Variants in TTF2 observed in about 807,000 individuals in gnomAD.
The protein encoded by TTF2 is RNA polymerase II termination factor.
TTF2 carries 108 observed loss-of-function variants against 142.4 expected under a neutral mutation model. The observed-to-expected ratio is 0.76, with a 90% CI of 0.65 to 0.89. The LOEUF (loss-of-function observed/expected upper bound fraction) is 0.89, where lower values mean the gene tolerates loss of function less well. Among genes scored for constraint, TTF2 ranks in the 40% least tolerant of loss-of-function variants. The probability of loss-of-function intolerance (pLI) is 0.00; values close to 1 mark genes in which losing one functional copy is unlikely to be tolerated. For synonymous variants in TTF2, 483 were observed against 506.2 expected (o/e 0.95, Z 0.61); for missense variants, 1,327 against 1,379.8 (o/e 0.96, Z 0.61).
In TTF2 at chr1:117,086,247, ATG is replaced by A. The variant is rs3831091; in HGVS notation, c.2055-147_2055-146del. Among the ~76,000 whole-genome samples the A allele has an allele frequency of 0.21, 30,736 of 148,460 alleles. 6,145 individuals are homozygous for A. The highest frequency in any genetic ancestry group is 0.52 in the African/African-American group (21,205 of 40,670). On this transcript the variant is annotated intron_variant, in intron 11 of 22. Transcript: ENST00000369466. This position sits in a 1 kb window ranked among gnomAD's most constrained non-coding sequence, Gnocchi z 4.2. The stretch of plus-strand genomic sequence containing the variant: ...CAAGTGGGTAAAATTTACCTCCAAA[ATG>A]TGTGTGTGTGTGTGTGTGTGTGCGT...
In TTF2 at chr1:117,076,300, GTGGCT is replaced by G; in HGVS notation, c.1390+8_1390+12del. 1 of 1,611,556 alleles carries G rather than the reference GTGGCT, an allele frequency of 6.2e-7. No homozygotes were observed. Among genetic ancestry groups the G allele is most frequent in the Non-Finnish European group, 8.5e-7 (1 of 1,178,366 alleles). ...TACCCTTTCCCCAGAGCAAGGTAAA[GTGGCT>G]TATGCCTCAGAACTCCGGGTTTGCA... is the stretch of plus-strand genomic sequence containing the variant. On this transcript the variant is annotated splice_region_variant and intron_variant, in intron 6 of 22. Transcript: ENST00000369466. This position sits in a 1 kb window ranked among gnomAD's most constrained non-coding sequence, Gnocchi z 4.6.
At chr1:117,098,930 C>T (rs767862128) in intron 22 of TTF2, 23 bp downstream of exon 22, 7 of 1,595,114 alleles carry the variant, frequency 4.4e-6, no homozygotes, top group Non-Finnish European at 5.1e-6. Context: ...CCCCAGGACC[C>T]AGGACCCTTC....
At position 117,088,933 on chromosome 1, in the gene TTF2, A is replaced by T; in HGVS notation, c.2293A>T (p.Thr765Ser). The T allele has an allele frequency of 6.2e-7, 1 of 1,613,622 alleles. No individual in the cohort carries two copies. Reference sequence around the variant, plus strand: ...ACAAGCCTGTGCCCGTTGGGCTGTCACTGGAACCCCCATTCAAAACAACTT... The same window carrying T: ...ACAAGCCTGTGCCCGTTGGGCTGTCTCTGGAACCCCCATTCAAAACAACTT... ...KLQACARWAV[T>S]GTPIQNNLLD... The change falls in exon 13 of 23, where the codon ACT (threonine) becomes TCT (serine). Residue 765 changes from threonine (T) to serine (S), a missense_variant. Physicochemically the swap from Thr to Ser is moderately conservative, Grantham distance 58 (BLOSUM62 1). Coordinates refer to ENST00000369466, the MANE Select transcript of TTF2 (RefSeq NM_003594.4).
Position 117,086,094 on chromosome 1 carries a change from G to A in TTF2, c.2055-323G>A, listed in dbSNP as rs185647888. 1.9e-4 allele frequency among the ~76,000 whole-genome samples: 29 copies of A among 152,270 alleles called. No homozygotes were observed. In the East Asian group the frequency reaches 1.9e-3, roughly 10 times the overall value. ...TCTATCCTACTTTCTGTTCTGGCCA[G>A]ATCATATTAAGCATTATATTATCCC... On this transcript the variant is annotated intron_variant, in intron 11 of 22. Coordinates refer to ENST00000369466, the MANE Select transcript of TTF2 (RefSeq NM_003594.4). The surrounding 1 kb of genome is among the most constrained non-coding windows in gnomAD (Gnocchi z 4.2).
intron 16 of TTF2, 71 bp downstream of exon 16, chr1:117,091,481 AATGTGAGGTT>A (rs1648571423): frequency 6.8e-7 from 1 of 1,461,654 alleles, no homozygotes; most frequent in African/African-American, 1.4e-5. Flanking sequence ...AAAACACAGA[AATGTGAGGTT>A]ATGAATCCTT....
Position 117,085,959 on chromosome 1 carries a change from G to A in TTF2, c.2055-458G>A, listed in dbSNP as rs907201748. 6.6e-6 allele frequency among the ~76,000 whole-genome samples: 1 copy of A among 152,158 alleles called. No homozygotes were observed. The highest frequency in any genetic ancestry group is 1.5e-5 in the Non-Finnish European group (1 of 68,040). ...GAGGAAAGCACCATTGATACAAGGT[G>A]AACAGTGTTTTGAAGTTATCTTTCT... On this transcript the variant is annotated intron_variant, in intron 11 of 22. Coordinates refer to ENST00000369466, the MANE Select transcript of TTF2 (RefSeq NM_003594.4). This position sits in a 1 kb window ranked among gnomAD's most constrained non-coding sequence, Gnocchi z 4.7.
At chr1:117,069,586 T>G (rs1158466710) in intron 3 of TTF2, among the ~76,000 whole-genome samples, 1 of 152,238 alleles carries the variant, frequency 6.6e-6, no homozygotes, top group Non-Finnish European at 1.5e-5. Flanking sequence ...TATTTTGTCT[T>G]CATCATGACC....
intron 4 of TTF2, 41 bp from the exon 5 acceptor site, chr1:117,074,829 G>C: frequency 2.7e-6 from 4 of 1,490,108 alleles, no homozygotes; most frequent in Non-Finnish European, 3.6e-6. Context: ...TACGAAGTTT[G>C]TATTAATATT....
rs761238788 is a variant in TTF2, at chr1:117,076,687, C to T, written c.1437C>T (p.Phe479=). 29 of 1,613,778 alleles carry T rather than the reference C, an allele frequency of 1.8e-5. No individual in the cohort carries two copies. In the Admixed American group the frequency reaches 4.7e-4, roughly 26 times the overall value. ...GTCAAGTACCACAGCAGAGTCACTT[C>T]ACCAAAACTACCACTGGCCCTCCCC... is the stretch of plus-strand genomic sequence containing the variant. The part of the protein sequence containing the change: ...SNSQVPQQSH[F]TKTTTGPPHL... Residue 479 remains phenylalanine, a synonymous_variant, in exon 7 of 23, where the codon TTC becomes TTT. Coordinates refer to ENST00000369466, the MANE Select transcript of TTF2 (RefSeq NM_003594.4). This position sits in a 1 kb window ranked among gnomAD's most constrained non-coding sequence, Gnocchi z 4.6.
Position 117,090,215 on chromosome 1 carries a change from A to C in TTF2, c.2496+7A>C. 6.2e-7 allele frequency: 1 copy of C among 1,613,468 alleles called. No homozygotes were observed. Among genetic ancestry groups the C allele is most frequent in the Non-Finnish European group, 8.5e-7 (1 of 1,179,712 alleles). On this transcript the variant is annotated splice_region_variant and intron_variant, in intron 14 of 22. Transcript: ENST00000369466. The surrounding 1 kb of genome is among the most constrained non-coding windows in gnomAD (Gnocchi z 4.8). ...CTCTACTGGCAGACCTTTGGTAATC[A>C]AGTTTGTACCTGTCCCTGGGGGAGG...
At position 117,077,909 on chromosome 1, in the gene TTF2, T is replaced by C. The variant is rs767637914; in HGVS notation, c.1574-7T>C. ...ACATCTTTTAGGTAACACCTATTTG[T>C]ATGCAGGCCATACAAACCAAGATCA... On this transcript the variant is annotated splice_polypyrimidine_tract_variant and splice_region_variant and intron_variant, in intron 7 of 22. Transcript: ENST00000369466. The C allele has an allele frequency of 6.2e-7, 1 of 1,614,064 alleles. No homozygotes were observed. The highest frequency in any genetic ancestry group is 8.5e-7 in the Non-Finnish European group (1 of 1,179,948).
In TTF2 at chr1:117,075,170, C is replaced by G. The variant is rs1656888911; in HGVS notation, c.586C>G (p.Gln196Glu). The G allele has an allele frequency of 1.2e-6, 2 of 1,613,954 alleles. No homozygotes were observed. The highest frequency in any genetic ancestry group is 2.7e-5 in the African/African-American group (2 of 74,884). The stretch of plus-strand genomic sequence containing the variant: ...ACAATCTGTAGTTCAAGAGAAGAAG[C>G]AAGAAGAGGGAGCAGAGATTCAGTG... ...KKQSVVQEKK[Q>E]EEGAEIQCEA... is the part of the protein sequence containing the mutation. Residue 196 changes from glutamine (Q) to glutamate (E), a missense_variant, in exon 5 of 23, where the codon CAA becomes GAA. Gln to Glu is a conservative substitution (Grantham distance 29, BLOSUM62 2). Coordinates refer to ENST00000369466, the MANE Select transcript of TTF2 (RefSeq NM_003594.4). This position sits in a 1 kb window ranked among gnomAD's most constrained non-coding sequence, Gnocchi z 4.5.
Position 117,105,853 on chromosome 1 carries a change from C to G in TTF2, c.*4329C>G, listed in dbSNP as rs1238655907. 2 of 152,118 alleles carry G rather than the reference C, an allele frequency of 1.3e-5. No homozygotes were observed. Among genetic ancestry groups the G allele is most frequent in the African/African-American group, 4.8e-5 (2 of 41,426 alleles). The allele number at this position is 152,118 out of a possible 1,614,324, so 9.4% of individuals were successfully genotyped here. The stretch of plus-strand genomic sequence containing the variant: ...CAATCCTGTGAGTGATTTAGCATGG[C>G]AATTCATGAACACTGAGTTGTTTCC... On this transcript the variant is annotated 3_prime_UTR_variant, in exon 23 of 23. Coordinates refer to ENST00000369466, the MANE Select transcript of TTF2 (RefSeq NM_003594.4). This position sits in a 1 kb window ranked among gnomAD's most constrained non-coding sequence, Gnocchi z 4.7.
chr1:117,077,311 A>G lies in TTF2; in HGVS notation c.1573+488A>G, dbSNP rs114911017. ...ATTGTGCAGCTCAGTAGAGCTTTGC[A>G]TCGTGTTACTTAGCTTTCTGTGAGG... On this transcript the variant is annotated intron_variant, in intron 7 of 22. Transcript: ENST00000369466. 3.8e-3 allele frequency among the ~76,000 whole-genome samples: 576 copies of G among 152,296 alleles called. 2 individuals are homozygous for G. Among genetic ancestry groups the G allele is most frequent in the African/African-American group, 0.013 (545 of 41,570 alleles).
Position 117,086,467 on chromosome 1 carries a change from A to G in TTF2, c.2105A>G (p.Glu702Gly). 1 of 1,614,132 alleles carries G rather than the reference A, an allele frequency of 6.2e-7. No individual in the cohort carries two copies. Among genetic ancestry groups the G allele is most frequent in the Non-Finnish European group, 8.5e-7 (1 of 1,180,028 alleles). ...ACTACCTATAGCCTCGTGGCCAAGG[A>G]GATTCCCACAAACAAGCAAGAGGCA... ...VITTYSLVAKEIPTNKQEAEI... is the reference protein window; with the variant it reads ...VITTYSLVAKGIPTNKQEAEI... The change falls in exon 12 of 23, where the codon GAG becomes GGG. Residue 702 changes from glutamate to glycine, a missense_variant. Glu to Gly is a moderately conservative substitution (Grantham distance 98, BLOSUM62 -2). Transcript: ENST00000369466. The surrounding 1 kb of genome is among the most constrained non-coding windows in gnomAD (Gnocchi z 4.2).
chr1:117,086,584 TTCTC>T lies in TTF2; in HGVS notation c.2160+63_2160+66del. 1 of 1,226,634 alleles carries T rather than the reference TTCTC, an allele frequency of 8.2e-7. No individual in the cohort carries two copies. Among genetic ancestry groups the T allele is most frequent in the Non-Finnish European group, 1.2e-6 (1 of 838,220 alleles). 76.0% of individuals were successfully genotyped at this position (1,226,634 alleles called of 1,614,324 possible). On this transcript the variant is annotated intron_variant, in intron 12 of 22. Coordinates refer to ENST00000369466, the MANE Select transcript of TTF2 (RefSeq NM_003594.4). This position sits in a 1 kb window ranked among gnomAD's most constrained non-coding sequence, Gnocchi z 4.2. ...GCCACAGATGGTTTAATGGGAGTCTTTCTCAGCCTCCACGATAGCAAGAGGACCT... is the reference window on the plus strand; with the variant it reads ...GCCACAGATGGTTTAATGGGAGTCTTAGCCTCCACGATAGCAAGAGGACCT...
chr1:117,095,223 T>C, intron 18 of TTF2, 86 bp from the exon 19 acceptor site: 1 of 1,263,194 alleles, frequency 7.9e-7, no homozygotes, highest in Non-Finnish European at 1.2e-6. Context: ...AGACGCCATG[T>C]AGGAGGCTGC....
In TTF2 at chr1:117,076,950, G is replaced by A; in HGVS notation, c.1573+127G>A. On this transcript the variant is annotated intron_variant, in intron 7 of 22. Coordinates refer to ENST00000369466, the MANE Select transcript of TTF2 (RefSeq NM_003594.4). The surrounding 1 kb of genome is among the most constrained non-coding windows in gnomAD (Gnocchi z 4.6). Reference sequence around the variant, plus strand: ...AGTCACCTGTGGTTCAAAAAAAGGTGAGTACAGTACAGTAAGATATTTTGA... The same window carrying A: ...AGTCACCTGTGGTTCAAAAAAAGGTAAGTACAGTACAGTAAGATATTTTGA... 3 of 769,430 alleles carry A rather than the reference G, an allele frequency of 3.9e-6. No individual in the cohort carries two copies. The highest frequency in any genetic ancestry group is 6.0e-6 in the Non-Finnish European group (3 of 498,890). 47.7% of individuals were successfully genotyped at this position (769,430 alleles called of 1,614,324 possible).
intron 19 of TTF2, 27 bp downstream of exon 19, chr1:117,095,394 T>C: frequency 6.2e-7 from 1 of 1,608,064 alleles, no homozygotes; most frequent in Non-Finnish European, 8.5e-7. Context: ...ATTATCCAAG[T>C]ATTGGTCATA....
Sources: gnomAD v4.1 joint callset for allele counts (sites outside exome capture counted in the v4.1 genomes callset) on GRCh38, gnomAD v4.1.1 for gene constraint, Gnocchi (gnomAD v3.1) non-coding constraint, MANE v1.5 for transcripts, NCBI Gene and HGNC (gene_info 2026-07-23, HGNC 2026-07-21) for gene names.